MCPH1: variants seen among roughly 807,000 people sequenced by gnomAD.
The protein encoded by MCPH1 is microcephalin.
In MCPH1, 104 loss-of-function variants were observed where a neutral mutation model predicts 84.5. The observed-to-expected ratio is 1.23, with a 90% CI of 1.05 to 1.45. The LOEUF is 1.45. MCPH1 is among the 40% of genes most tolerant of loss of function. The pLI is 0.00. For synonymous variants in MCPH1, 514 were observed against 366.8 expected (o/e 1.40, Z -4.58); for missense variants, 1,498 against 1,005.7 (o/e 1.49, Z -6.62).
chr8:6,514,224 C>G (rs1302851040), intron 12 of MCPH1, among the ~76,000 whole-genome samples: 2 of 152,296 alleles, frequency 1.3e-5, no homozygotes, highest in South Asian at 2.1e-4. Context: ...GAGTCTTACT[C>G]TGTTGCCCAG....
chr8:6,633,308 T>C (rs1333813170), intron 13 of MCPH1, among the ~76,000 whole-genome samples: 1 of 152,250 alleles, frequency 6.6e-6, no homozygotes, highest in Non-Finnish European at 1.5e-5. Flanking sequence ...GTCAATAAAC[T>C]GTTACAACTC....
At chr8:6,610,840 A>G (rs1479794570) in intron 12 of MCPH1, among the ~76,000 whole-genome samples, 2 of 135,110 alleles carry the variant, frequency 1.5e-5, no homozygotes, top group Non-Finnish European at 3.0e-5. Flanking sequence ...TTTCTTCCAG[A>G]AAAAAAAAAA....
At position 6,648,168 on chromosome 8, in the gene MCPH1, C is replaced by G. The variant is rs747442600; in HGVS notation, c.*5119C>G. On this transcript the variant is annotated 3_prime_UTR_variant, in exon 14 of 14. Transcript: ENST00000344683. ...AAGGCACAGGGCATGGCTGATTCAG[C>G]CCAACATGAGGCTCCACACCCTAGA... 6.6e-6 allele frequency: 1 copy of G among 152,194 alleles called. No homozygotes were observed. The allele number at this position is 152,194 out of a possible 1,614,324, so 9.4% of individuals were successfully genotyped here. A position where few individuals can be genotyped will look rare whatever the true frequency, so the allele number is the denominator to read the frequency against.
chr8:6,604,994 C>A (rs968984251), intron 12 of MCPH1, among the ~76,000 whole-genome samples: 1 of 152,076 alleles, frequency 6.6e-6, no homozygotes, highest in African/African-American at 2.4e-5. Flanking sequence ...CGGTGCCATC[C>A]CTTCATTTCA....
At chr8:6,470,856 G>T (rs1807627578) in intron 9 of MCPH1, among the ~76,000 whole-genome samples, 1 of 152,214 alleles carries the variant, frequency 6.6e-6, no homozygotes, top group Non-Finnish European at 1.5e-5. Flanking sequence ...CAAACTGAAG[G>T]AGAAAAGTAG....
intron 13 of MCPH1, chr8:6,626,464 T>TG (rs1318097766): frequency 9.1e-5 from 89 of 976,548 alleles, no homozygotes; most frequent in Admixed American, 1.4e-4. Flanking sequence ...TTGTTTGGTT[T>TG]TTTTGTTTTG....
chr8:6,413,032 C>T (rs1346468863), intron 2 of MCPH1, among the ~76,000 whole-genome samples: 2 of 152,156 alleles, frequency 1.3e-5, no homozygotes, highest in East Asian at 3.8e-4. Flanking sequence ...TATATTACTT[C>T]AGTATAATTG....
intron 12 of MCPH1, among the ~76,000 whole-genome samples, chr8:6,607,403 T>C (rs1001182513): frequency 6.6e-6 from 1 of 152,232 alleles, no homozygotes; most frequent in Non-Finnish European, 1.5e-5. Context: ...GGTCTTCCTT[T>C]CCTTGTGATA....
At chr8:6,474,555 A>G (rs1310191649) in intron 9 of MCPH1, among the ~76,000 whole-genome samples, 2 of 152,238 alleles carry the variant, frequency 1.3e-5, no homozygotes, top group Non-Finnish European at 2.9e-5. Flanking sequence ...TTAAAAAATT[A>G]TTGTTAAAAA....
intron 12 of MCPH1, among the ~76,000 whole-genome samples, chr8:6,519,298 T>C (rs151108107): frequency 6.6e-6 from 1 of 152,296 alleles, no homozygotes; most frequent in East Asian, 1.9e-4. Context: ...TGTGGCACTG[T>C]GTTAGCGTTT....
At chr8:6,608,596 G>A (rs1829982725) in intron 12 of MCPH1, among the ~76,000 whole-genome samples, 1 of 152,144 alleles carries the variant, frequency 6.6e-6, no homozygotes, top group Admixed American at 6.5e-5. Context: ...TTGCTCTTCT[G>A]AGCCTCCGTG....
In MCPH1 at chr8:6,525,350, C is replaced by T. The variant is rs1382211450; in HGVS notation, c.2214+25421C>T. ...GTTCAAGCGATCCACCTGCCTCAGCCATCCAAATAGGAGGGATTACAGGTG... is the reference window on the plus strand; with the variant it reads ...GTTCAAGCGATCCACCTGCCTCAGCTATCCAAATAGGAGGGATTACAGGTG... On this transcript the variant is annotated intron_variant, in intron 12 of 13. Transcript: ENST00000344683. 2.6e-5 allele frequency among the ~76,000 whole-genome samples: 4 copies of T among 152,272 alleles called. No individual in the cohort carries two copies. The East Asian group carries it at 5.8e-4, about 22-fold the overall frequency.
At chr8:6,415,414 A>G (rs1318381940) in intron 3 of MCPH1, among the ~76,000 whole-genome samples, 1 of 151,842 alleles carries the variant, frequency 6.6e-6, no homozygotes, top group Non-Finnish European at 1.5e-5. Flanking sequence ...CAGCCTCCCA[A>G]GTAGCTGGGA....
At chr8:6,412,127 A>C (rs980850588) in intron 2 of MCPH1, among the ~76,000 whole-genome samples, 1 of 152,194 alleles carries the variant, frequency 6.6e-6, no homozygotes, top group Non-Finnish European at 1.5e-5. Context: ...GACCTCCCTA[A>C]TGCCTGTCTT....
chr8:6,533,177 C>T (rs141927423), intron 12 of MCPH1, among the ~76,000 whole-genome samples: 14 of 152,336 alleles, frequency 9.2e-5, no homozygotes, highest in South Asian at 4.1e-4. Context: ...TATCACCTAA[C>T]GTGCCATGGG....
chr8:6,568,577 C>A (rs1826409566), intron 12 of MCPH1, among the ~76,000 whole-genome samples: 1 of 151,978 alleles, frequency 6.6e-6, no homozygotes, highest in Non-Finnish European at 1.5e-5. Flanking sequence ...TTTTGCTTTT[C>A]CAACCTGTAC....
At chr8:6,567,906 C>G (rs560284701) in intron 12 of MCPH1, among the ~76,000 whole-genome samples, 1 of 152,190 alleles carries the variant, frequency 6.6e-6, no homozygotes, top group Non-Finnish European at 1.5e-5. Context: ...CACCTGCCTA[C>G]CCACCCAATT....
chr8:6,525,120 T>C (rs1818089401), intron 12 of MCPH1, among the ~76,000 whole-genome samples: 1 of 152,258 alleles, frequency 6.6e-6, no homozygotes, highest in African/African-American at 2.4e-5. Context: ...TCTTTAACCC[T>C]GCAAACAATA....
At chr8:6,556,098 C>G (rs987660225) in intron 12 of MCPH1, among the ~76,000 whole-genome samples, 1 of 152,084 alleles carries the variant, frequency 6.6e-6, no homozygotes, top group African/African-American at 2.4e-5. Flanking sequence ...GAATTGCTGC[C>G]AAGACTAACC....
Sources: gnomAD v4.1 joint callset for allele counts (sites outside exome capture counted in the v4.1 genomes callset) on GRCh38, gnomAD v4.1.1 for gene constraint, MANE v1.5 for transcripts, NCBI Gene and HGNC (gene_info 2026-07-23, HGNC 2026-07-21) for gene names.